CDH8: variants seen among roughly 807,000 people sequenced by gnomAD.
The protein encoded by CDH8 is cadherin-8.
CDH8 carries 17 observed loss-of-function variants against 68.1 expected under a neutral mutation model. The observed-to-expected ratio is 0.25, with a 90% CI of 0.17 to 0.37. CDH8 has a LOEUF of 0.37. Ranked by LOEUF, CDH8 falls within the 10% of genes least tolerant of loss-of-function variation. The pLI, the probability that CDH8 is intolerant of heterozygous loss-of-function variation, is 1.00. For missense variants in CDH8, 763 were observed against 999.3 expected (o/e 0.76, Z 3.19); for synonymous variants, 372 against 365.1 (o/e 1.02, Z -0.21).
intron 9 of CDH8, among the ~76,000 whole-genome samples, chr16:61,721,109 AAT>A (rs572042645): frequency 6.6e-6 from 1 of 150,388 alleles, no homozygotes; most frequent in Non-Finnish European, 1.5e-5. Context: ...CAAACCCTCC[AAT>A]ATATATATAT....
rs141202186 is a variant in CDH8 at position 62,007,185 on chromosome 16, C to T, written c.252+13967G>A. Among the ~76,000 whole-genome samples, 197 of 152,230 alleles carry T rather than the reference C, an allele frequency of 1.3e-3. 1 individual carries two copies. Among genetic ancestry groups the T allele is most frequent in the African/African-American group, 4.5e-3 (186 of 41,542 alleles). ...CCTCCCAAAGTGCTGGGATTACAGG[C>T]GCAAGCCACCACACCCGGCCCCCAT... is the stretch of plus-strand genomic sequence containing the variant. On this transcript the variant is annotated intron_variant, in intron 2 of 11. Transcript: ENST00000577390.
intron 1 of CDH8, among the ~76,000 whole-genome samples, chr16:62,029,220 GTAACTATTTA>G (rs1369658021): frequency 2.0e-5 from 3 of 152,160 alleles, no homozygotes; most frequent in African/African-American, 7.2e-5. Context: ...AGCTATTGTA[GTAACTATTTA>G]TTGGATGTTT....
chr16:61,846,254 C>T (rs1021129292), intron 4 of CDH8, among the ~76,000 whole-genome samples: 1 of 152,040 alleles, frequency 6.6e-6, no homozygotes, highest in Non-Finnish European at 1.5e-5. Flanking sequence ...AATTAATGAT[C>T]TCATTGCCTT....
At chr16:61,951,844 A>G (rs1412600123) in intron 2 of CDH8, among the ~76,000 whole-genome samples, 7 of 152,216 alleles carry the variant, frequency 4.6e-5, no homozygotes, top group Non-Finnish European at 7.3e-5. Context: ...AAAATACTGC[A>G]GGTATCCCTC....
intron 2 of CDH8, among the ~76,000 whole-genome samples, chr16:61,987,331 C>T (rs952598229): frequency 1.4e-4 from 21 of 151,946 alleles, no homozygotes; most frequent in African/African-American, 4.4e-4. Flanking sequence ...TGGTAAACTC[C>T]CATCTGTACC....
At chr16:61,768,294 C>CTCTCTCTGTGTCTCTCCCTT (rs1960645818) in intron 8 of CDH8, among the ~76,000 whole-genome samples, 1 of 148,016 alleles carries the variant, frequency 6.8e-6, no homozygotes, top group Admixed American at 6.8e-5. Context: ...ACTTCAGGCT[C>CTCTCTCTGTGTCTCTCCCTT]TCTCTCTGTG....
At chr16:61,977,893 A>C (rs1157445636) in intron 2 of CDH8, among the ~76,000 whole-genome samples, 1 of 151,934 alleles carries the variant, frequency 6.6e-6, no homozygotes, top group Non-Finnish European at 1.5e-5. Flanking sequence ...CATGCCTAGC[A>C]CTACTAAGCA....
intron 2 of CDH8, among the ~76,000 whole-genome samples, chr16:62,017,080 A>G (rs1182905389): frequency 2.0e-5 from 3 of 152,240 alleles, no homozygotes; most frequent in African/African-American, 2.4e-5. Flanking sequence ...TGACTATTAT[A>G]CATTCTTCCA....
intron 3 of CDH8, among the ~76,000 whole-genome samples, chr16:61,858,784 C>T (rs1963098179): frequency 6.6e-6 from 1 of 152,096 alleles, no homozygotes; most frequent in Admixed American, 6.5e-5. Context: ...GGAAATGGGC[C>T]AAGCTTTTAT....
At chr16:62,031,238 TGA>T (rs1902317356) in intron 1 of CDH8, among the ~76,000 whole-genome samples, 1 of 152,140 alleles carries the variant, frequency 6.6e-6, no homozygotes, top group South Asian at 2.1e-4. Flanking sequence ...AAGATGATTG[TGA>T]GAGAACAAAA....
chr16:61,902,089 CTT>C (rs1263154145), intron 2 of CDH8, among the ~76,000 whole-genome samples: 1 of 152,096 alleles, frequency 6.6e-6, no homozygotes, highest in African/African-American at 2.4e-5. Context: ...TTTTGAAAGT[CTT>C]TTTTCCTTTA....
chr16:61,953,517 C>A (rs2143598380), intron 2 of CDH8, among the ~76,000 whole-genome samples: 1 of 151,586 alleles, frequency 6.6e-6, no homozygotes, highest in East Asian at 1.9e-4. Context: ...ATATATAATG[C>A]TAGTTCTTGT....
chr16:61,812,982 A>G (rs1428004973), intron 7 of CDH8, among the ~76,000 whole-genome samples: 1 of 152,224 alleles, frequency 6.6e-6, no homozygotes, highest in Non-Finnish European at 1.5e-5. Context: ...ATAGGAGCTT[A>G]GTATGGTGTC....
intron 2 of CDH8, among the ~76,000 whole-genome samples, chr16:61,995,629 G>A (rs2150592595): frequency 6.6e-6 from 1 of 152,244 alleles, no homozygotes; most frequent in African/African-American, 2.4e-5. Context: ...TGCCTGCCTT[G>A]GCCTCCCAAA....
At chr16:61,681,252 AC>A (rs1250176536) in intron 10 of CDH8, among the ~76,000 whole-genome samples, 1 of 151,908 alleles carries the variant, frequency 6.6e-6, no homozygotes, top group Non-Finnish European at 1.5e-5. Context: ...ATTCACAGTC[AC>A]CAAAATGTAA....
At chr16:61,715,278 C>A (rs1178877422) in intron 9 of CDH8, among the ~76,000 whole-genome samples, 1 of 151,386 alleles carries the variant, frequency 6.6e-6, no homozygotes, top group Non-Finnish European at 1.5e-5. Flanking sequence ...AAGTATAACT[C>A]ATGGTTAAGA....
At chr16:61,726,478 C>A (rs545189019) in intron 9 of CDH8, 1 of 150,558 alleles carries the variant, frequency 6.6e-6, no homozygotes, top group East Asian at 2.0e-4. Context: ...TCTCCCTCTC[C>A]CTTTCCTTCT....
chr16:61,784,794 T>C (rs896164012), intron 8 of CDH8, among the ~76,000 whole-genome samples: 3 of 151,922 alleles, frequency 2.0e-5, no homozygotes, highest in East Asian at 1.9e-4. Flanking sequence ...CACTCAAAGC[T>C]GCTCAACTAC....
chr16:61,953,919 AT>A (rs1465023168), intron 2 of CDH8, among the ~76,000 whole-genome samples: 26 of 143,932 alleles, frequency 1.8e-4, no homozygotes, highest in Non-Finnish European at 2.7e-4. Context: ...ATATATATAT[AT>A]ATATATAAAA....
Sources: gnomAD v4.1 joint callset for allele counts (sites outside exome capture counted in the v4.1 genomes callset) on GRCh38, gnomAD v4.1.1 for gene constraint, MANE v1.5 for transcripts, NCBI Gene and HGNC (gene_info 2026-07-23, HGNC 2026-07-21) for gene names.